Variants in YBX3 observed in about 807,000 individuals in gnomAD.
YBX3 encodes the protein Y-box-binding protein 3.
In YBX3, 29 loss-of-function variants were observed where a neutral mutation model predicts 42.4. The observed-to-expected ratio is 0.68, with a 90% CI of 0.51 to 0.93. The LOEUF is 0.93. YBX3 is among the 40% of genes least tolerant of loss of function. The pLI, the probability that YBX3 is intolerant of heterozygous loss-of-function variation, is 0.00. For missense variants in YBX3, 517 were observed against 527.5 expected, an observed-to-expected ratio of 0.98 and a Z score of 0.19; for synonymous variants, 195 against 189.8, an observed-to-expected ratio of 1.03 and a Z score of -0.22.
chr12:10,710,153 A>G, intron 5 of YBX3, 39 bp from the exon 6 acceptor site: 2 of 1,596,372 alleles, frequency 1.3e-6, no homozygotes, highest in South Asian at 1.1e-5. Context: ...AAGAAGTTTT[A>G]GCAAGGAAAG....
rs76899136 is a variant in YBX3, at chr12:10,707,917, C to G, written c.780+1991G>C. ...AAAGGATGAGAGTCTGCCAGAAAGA[C>G]TGGATGACAAGAACAAAATGAATTA... On this transcript the variant is annotated intron_variant, in intron 6 of 9. Coordinates refer to ENST00000228251, the MANE Select transcript of YBX3 (RefSeq NM_003651.5). Among the ~76,000 whole-genome samples, 826 of 152,346 alleles carry G rather than the reference C, an allele frequency of 5.4e-3. 12 individuals are homozygous for G. Among genetic ancestry groups the G allele is most frequent in the East Asian group, 0.032 (168 of 5,192 alleles).
Position 10,701,256 on chromosome 12 carries a change from G to C in YBX3, c.*32C>G. On this transcript the variant is annotated splice_region_variant and 3_prime_UTR_variant, in exon 9 of 10. Transcript: ENST00000228251. The stretch of plus-strand genomic sequence containing the variant: ...GACTGGGCTGCCCCAGCTCTTACCT[G>C]CCGATGGTGAAGGTGCCTGAGGAGC... 1.3e-6 allele frequency: 1 copy of C among 778,176 alleles called. No individual in the cohort carries two copies. 48.2% of individuals were successfully genotyped at this position (778,176 alleles called of 1,614,324 possible).
intron 5 of YBX3, chr12:10,712,508 TA>T (rs2120949153): frequency 6.6e-6 from 1 of 152,358 alleles, no homozygotes; most frequent in African/African-American, 2.4e-5. Context: ...AATGCTATGC[TA>T]AATAAAACAG....
At position 10,715,733 on chromosome 12, in the gene YBX3, A is replaced by G. The variant is rs778344583; in HGVS notation, c.411T>C (p.Asp137=). The G allele has an allele frequency of 1.2e-6, 2 of 1,614,042 alleles. No individual in the cohort carries two copies. The highest frequency in any genetic ancestry group is 4.5e-5 in the East Asian group (2 of 44,868). The change falls in exon 4 of 10, where the codon GAT becomes GAC. Residue 137 remains aspartate (D), a synonymous_variant. Coordinates refer to ENST00000228251, the MANE Select transcript of YBX3 (RefSeq NM_003651.5). ...NPRKYLRSVG[D]GETVEFDVVE... ...CCACATCAAACTCTACAGTTTCTCC[A>G]TCTCCTACACTGCGCAGATATTTCC...
At chr12:10,701,116 CCA>C (rs1228781757) in intron 9 of YBX3, 136 bp downstream of exon 9, 9 of 554,296 alleles carry the variant, frequency 1.6e-5, no homozygotes, top group East Asian at 3.0e-5. Flanking sequence ...ATCACTTTTT[CCA>C]CAGAGTCCCA....
At chr12:10,705,134 G>A (rs773783202) in intron 6 of YBX3, among the ~76,000 whole-genome samples, 3 of 151,848 alleles carry the variant, frequency 2.0e-5, no homozygotes, top group African/African-American at 7.3e-5. Context: ...TCACTCTGTC[G>A]CCAGGCTGGA....
intron 4 of YBX3, among the ~76,000 whole-genome samples, chr12:10,715,188 T>C (rs1204230107): frequency 1.3e-5 from 2 of 152,220 alleles, no homozygotes; most frequent in Non-Finnish European, 2.9e-5. Context: ...TCAGAGTTGA[T>C]CATTTATTAA....
Position 10,718,116 on chromosome 12 carries a change from T to G in YBX3, c.332A>C (p.Asp111Ala). Residue 111 changes from aspartate to alanine, a missense_variant, in exon 3 of 10, where the codon GAC becomes GCC. By Grantham distance (126) the Asp-to-Ala change is moderately radical (BLOSUM62 -2). This residue lies in a region of YBX3 where 420 missense variants were observed against 408.5 expected (regional missense o/e 1.03). Transcript: ENST00000228251. Reference protein sequence around the residue: ...RNGYGFINRNDTKEDVFVHQT... With the variant: ...RNGYGFINRNATKEDVFVHQT... ...ATGTACAAATACATCTTCTTTGGTGTCATTTCTGTTGAAAGACAAAAAGCT... is the reference window on the plus strand; with the variant it reads ...ATGTACAAATACATCTTCTTTGGTGGCATTTCTGTTGAAAGACAAAAAGCT... 6.2e-7 allele frequency: 1 copy of G among 1,612,278 alleles called. No homozygotes were observed. Among genetic ancestry groups the G allele is most frequent in the Non-Finnish European group, 8.5e-7 (1 of 1,179,176 alleles).
chr12:10,720,548 T>A (rs1168013536), intron 1 of YBX3, among the ~76,000 whole-genome samples: 1 of 152,146 alleles, frequency 6.6e-6, no homozygotes, highest in Non-Finnish European at 1.5e-5. Flanking sequence ...ACAGTTGATG[T>A]TTTCGATGCA....
Position 10,723,146 on chromosome 12 carries a change from G to C in YBX3, c.-35C>G. ...TCCTCTGCTCTCGCTCAGGCGCCTC[G>C]GTGGCGGTTGGTCGGCGGTTAGCGC... On this transcript the variant is annotated 5_prime_UTR_variant, in exon 1 of 10. Coordinates refer to ENST00000228251, the MANE Select transcript of YBX3 (RefSeq NM_003651.5). The C allele has an allele frequency of 8.4e-7, 1 of 1,191,796 alleles. No homozygotes were observed. Among genetic ancestry groups the C allele is most frequent in the African/African-American group, 1.6e-5 (1 of 62,630 alleles). The allele number at this position is 1,191,796 out of a possible 1,614,324, so 73.8% of individuals were successfully genotyped here.
chr12:10,723,209 A>C lies in YBX3; in HGVS notation c.-98T>G, dbSNP rs975950289. On this transcript the variant is annotated 5_prime_UTR_variant, in exon 1 of 10. Coordinates refer to ENST00000228251, the MANE Select transcript of YBX3 (RefSeq NM_003651.5). ...CGGCGGCCGGGGCTCGCTCTCGGGG[A>C]GGCCGGGGCGGATCTCGCGGCGCAG... 7 of 1,168,052 alleles carry C rather than the reference A, an allele frequency of 6.0e-6. No individual in the cohort carries two copies. Among genetic ancestry groups the C allele is most frequent in the Non-Finnish European group, 7.4e-6 (7 of 948,120 alleles). 72.4% of individuals were successfully genotyped at this position (1,168,052 alleles called of 1,614,324 possible). A position where few individuals can be genotyped will look rare whatever the true frequency, so the allele number is the denominator to read the frequency against.
rs764939583 is a variant in YBX3, at chr12:10,710,049, A to G, written c.639T>C (p.Asp213=). The change falls in exon 6 of 10, where the codon GAT becomes GAC. Residue 213 remains aspartate (D), a synonymous_variant. Coordinates refer to ENST00000228251, the MANE Select transcript of YBX3 (RefSeq NM_003651.5). ...GATTCCGGGCCCCAGAGAACTGCCTATCAGTGGCAGGGGGGTCAAATCCTT... is the reference window on the plus strand; with the variant it reads ...GATTCCGGGCCCCAGAGAACTGCCTGTCAGTGGCAGGGGGGTCAAATCCTT... ...SSEGFDPPAT[D]RQFSGARNQL... The G allele has an allele frequency of 4.3e-6, 7 of 1,614,042 alleles. No homozygotes were observed. The highest frequency in any genetic ancestry group is 1.6e-4 in the Middle Eastern group (1 of 6,082).
chr12:10,709,190 G>A (rs1321764045), intron 6 of YBX3, among the ~76,000 whole-genome samples: 1 of 152,118 alleles, frequency 6.6e-6, no homozygotes, highest in Non-Finnish European at 1.5e-5. Context: ...AAACCCCAAC[G>A]ACACTGAGGA....
chr12:10,705,972 G>C (rs1159495603), intron 6 of YBX3, among the ~76,000 whole-genome samples: 1 of 152,080 alleles, frequency 6.6e-6, no homozygotes, highest in Non-Finnish European at 1.5e-5. Context: ...TTTCTCCAAA[G>C]GGAATTCTTT....
chr12:10,709,896 T>C lies in YBX3; in HGVS notation c.780+12A>G, dbSNP rs780051688. 3.7e-6 allele frequency: 6 copies of C among 1,613,590 alleles called. No homozygotes were observed. The Admixed American group carries it at 6.7e-5, about 18-fold the overall frequency. Reference sequence around the variant, plus strand: ...GAGGATTGCTGAAGAGAAGTCTCAGTTGCAATTTTACCTGTATTCTGTTGG... The same window carrying C: ...GAGGATTGCTGAAGAGAAGTCTCAGCTGCAATTTTACCTGTATTCTGTTGG... On this transcript the variant is annotated intron_variant, in intron 6 of 9. Transcript: ENST00000228251.
chr12:10,700,906 A>G (rs1382770491), intron 9 of YBX3, among the ~76,000 whole-genome samples: 1 of 152,224 alleles, frequency 6.6e-6, no homozygotes, highest in Non-Finnish European at 1.5e-5. Flanking sequence ...ATTACTAAAC[A>G]GGTTCTGAAA....
chr12:10,715,619 G>T, intron 4 of YBX3, 75 bp downstream of exon 4: 1 of 1,298,136 alleles, frequency 7.7e-7, no homozygotes, highest in Non-Finnish European at 1.1e-6. Flanking sequence ...CAATTCATAA[G>T]GGGCTGATAG....
Position 10,710,091 on chromosome 12 carries a change from T to C in YBX3, c.597A>G (p.Glu199=). The C allele has an allele frequency of 1.2e-6, 2 of 1,613,552 alleles. No homozygotes were observed. Among genetic ancestry groups the C allele is most frequent in the Non-Finnish European group, 1.7e-6 (2 of 1,179,866 alleles). ...CAAATCCTTCACTGCTGCCGCTCCC[T>C]TCCTCCTCCTCCTCCCCAGCGTACT... ...PRNYAGEEEE[E]GSGSSEGFDP... is the part of the protein sequence containing the mutation. Residue 199 remains glutamate, a synonymous_variant, in exon 6 of 10, where the codon GAA becomes GAG. Transcript: ENST00000228251.
At chr12:10,715,664 C>CT in intron 4 of YBX3, 30 bp downstream of exon 4, 2 of 1,590,042 alleles carry the variant, frequency 1.3e-6, no homozygotes, top group South Asian at 2.2e-5. Flanking sequence ...TGTGCCAGCA[C>CT]TTTGATACCC....
Sources: gnomAD v4.1 joint callset for allele counts (sites outside exome capture counted in the v4.1 genomes callset) on GRCh38, gnomAD v4.1.1 for gene constraint, gnomAD v4.1.1 regional missense constraint, MANE v1.5 for transcripts, NCBI Gene and HGNC (gene_info 2026-07-23, HGNC 2026-07-21) for gene names.